Variants in TSPAN5 observed in about 807,000 individuals in gnomAD.
TSPAN5 encodes tetraspanin-5.
In TSPAN5, 10 loss-of-function variants were observed where a neutral mutation model predicts 37.1. The observed-to-expected ratio is 0.27, with a 90% CI of 0.17 to 0.46. The LOEUF is 0.46. Among genes scored for constraint, TSPAN5 ranks in the 20% least tolerant of loss-of-function variants. TSPAN5 has a pLI of 1.00. For missense variants in TSPAN5, 195 were observed against 326.6 expected, an observed-to-expected ratio of 0.60 and a Z score of 3.11; for synonymous variants, 110 against 118.9, an observed-to-expected ratio of 0.93 and a Z score of 0.48.
intron 1 of TSPAN5, among the ~76,000 whole-genome samples, chr4:98,621,185 T>C (rs1202366065): frequency 2.6e-5 from 4 of 151,974 alleles, no homozygotes; most frequent in African/African-American, 9.7e-5. Context: ...GGCAAACCAC[T>C]ATAAGCTAGG....
At chr4:98,584,748 A>G (rs1013220061) in intron 1 of TSPAN5, among the ~76,000 whole-genome samples, 4 of 152,214 alleles carry the variant, frequency 2.6e-5, no homozygotes, top group Non-Finnish European at 1.5e-5. Context: ...CTCTTCATGC[A>G]ATAGGCCTAT....
intron 1 of TSPAN5, among the ~76,000 whole-genome samples, chr4:98,540,311 T>C (rs901575192): frequency 6.6e-6 from 1 of 152,052 alleles, no homozygotes; most frequent in African/African-American, 2.4e-5. Context: ...GGGAAGAAGA[T>C]GGGATGGGCT....
At chr4:98,619,755 A>G (rs1334810241) in intron 1 of TSPAN5, among the ~76,000 whole-genome samples, 1 of 152,188 alleles carries the variant, frequency 6.6e-6, no homozygotes, top group Non-Finnish European at 1.5e-5. Context: ...ATAGAAATGT[A>G]TTTCTCACAG....
intron 1 of TSPAN5, among the ~76,000 whole-genome samples, chr4:98,550,454 T>A (rs1754586393): frequency 6.6e-6 from 1 of 152,200 alleles, no homozygotes; most frequent in Admixed American, 6.5e-5. Flanking sequence ...TTATATTGAA[T>A]CTGTAGATTT....
chr4:98,530,730 T>TATAC (rs71588954), intron 1 of TSPAN5, among the ~76,000 whole-genome samples: 1 of 150,256 alleles, frequency 6.7e-6, no homozygotes, highest in Non-Finnish European at 1.5e-5. Flanking sequence ...ACACATATTA[T>TATAC]ACACACACAC....
intron 1 of TSPAN5, among the ~76,000 whole-genome samples, chr4:98,647,676 T>C (rs1191952406): frequency 1.3e-5 from 2 of 151,944 alleles, no homozygotes; most frequent in Non-Finnish European, 2.9e-5. Context: ...CATTTGTAGA[T>C]GTTTTGCCAT....
At position 98,525,562 on chromosome 4, in the gene TSPAN5, ATTTTGT is replaced by A. The variant is rs145864662; in HGVS notation, c.82-17840_82-17835del. 5.0e-3 allele frequency among the ~76,000 whole-genome samples: 759 copies of A among 152,096 alleles called. 3 individuals are homozygous for A. Among genetic ancestry groups the A allele is most frequent in the African/African-American group, 0.017 (718 of 41,498 alleles). Reference sequence around the variant, plus strand: ...TCATGGAATCATTGAGTAAATAATTATTTTGTTTTTATTAATCCTTTCTCTTGTTTT... The same window carrying A: ...TCATGGAATCATTGAGTAAATAATTATTTTATTAATCCTTTCTCTTGTTTT... On this transcript the variant is annotated intron_variant, in intron 1 of 7. Transcript: ENST00000305798.
chr4:98,571,752 C>T (rs192734681), intron 1 of TSPAN5, among the ~76,000 whole-genome samples: 8 of 152,242 alleles, frequency 5.3e-5, no homozygotes, highest in African/African-American at 1.9e-4. Context: ...CTATCTACAT[C>T]ATACGATTTT....
intron 1 of TSPAN5, among the ~76,000 whole-genome samples, chr4:98,592,412 G>A (rs1409304812): frequency 1.4e-5 from 2 of 141,798 alleles, no homozygotes; most frequent in Non-Finnish European, 3.0e-5. Flanking sequence ...ACCTAACTAA[G>A]GGATCTCTGT....
chr4:98,589,027 GAC>G (rs1413678035), intron 1 of TSPAN5, among the ~76,000 whole-genome samples: 4 of 152,132 alleles, frequency 2.6e-5, no homozygotes, highest in Non-Finnish European at 5.9e-5. Flanking sequence ...CCTGGAAAGG[GAC>G]ACACAGCAGA....
At chr4:98,492,533 C>T (rs1753106212) in intron 2 of TSPAN5, among the ~76,000 whole-genome samples, 1 of 152,178 alleles carries the variant, frequency 6.6e-6, no homozygotes, top group Non-Finnish European at 1.5e-5. Context: ...ATACACTATG[C>T]TTCAGTCCTC....
chr4:98,610,448 TAAC>T (rs1756155561), intron 1 of TSPAN5, among the ~76,000 whole-genome samples: 1 of 152,180 alleles, frequency 6.6e-6, no homozygotes, highest in South Asian at 2.1e-4. Flanking sequence ...AATCTTTCTT[TAAC>T]AACTTAATGA....
At chr4:98,627,289 T>C (rs1452189894) in intron 1 of TSPAN5, among the ~76,000 whole-genome samples, 1 of 152,178 alleles carries the variant, frequency 6.6e-6, no homozygotes, top group Non-Finnish European at 1.5e-5. Flanking sequence ...CGGATCCTTT[T>C]GCTATAAAGG....
intron 1 of TSPAN5, among the ~76,000 whole-genome samples, chr4:98,530,369 G>A (rs572582492): frequency 6.6e-6 from 1 of 152,220 alleles, no homozygotes; most frequent in Non-Finnish European, 1.5e-5. Context: ...TCATCACACT[G>A]TGAAGGAGAC....
chr4:98,535,168 A>G (rs1157126099), intron 1 of TSPAN5, among the ~76,000 whole-genome samples: 1 of 152,280 alleles, frequency 6.6e-6, no homozygotes, highest in East Asian at 1.9e-4. Flanking sequence ...AGTGGCTGGT[A>G]CCGGCTGTTC....
intron 5 of TSPAN5, among the ~76,000 whole-genome samples, chr4:98,478,089 A>G (rs1165385824): frequency 6.6e-6 from 1 of 152,206 alleles, no homozygotes; most frequent in Non-Finnish European, 1.5e-5. Flanking sequence ...TAAAATGCAA[A>G]CTGCATGACT....
intron 1 of TSPAN5, among the ~76,000 whole-genome samples, chr4:98,544,692 G>A (rs1021844627): frequency 2.0e-5 from 3 of 152,104 alleles, no homozygotes; most frequent in Non-Finnish European, 2.9e-5. Context: ...AGGAAATGAT[G>A]ACTTTTAAGT....
At chr4:98,519,577 A>G (rs968831317) in intron 1 of TSPAN5, among the ~76,000 whole-genome samples, 1 of 152,220 alleles carries the variant, frequency 6.6e-6, no homozygotes, top group Non-Finnish European at 1.5e-5. Context: ...AGGTGAAGAA[A>G]AGAGTGCAGT....
chr4:98,621,108 C>T (rs1756470500), intron 1 of TSPAN5, among the ~76,000 whole-genome samples: 1 of 152,008 alleles, frequency 6.6e-6, no homozygotes, highest in African/African-American at 2.4e-5. Context: ...ACAAGGAGAC[C>T]ACCATGTGAA....
Sources: allele counts gnomAD v4.1 joint callset (sites outside exome capture counted in the v4.1 genomes callset), GRCh38; gene constraint gnomAD v4.1.1; transcripts MANE v1.5; gene names NCBI Gene and HGNC (gene_info 2026-07-23, HGNC 2026-07-21).